The following C1orf185 variants were observed in gnomAD, a reference collection of about 807,000 sequenced individuals.
The protein encoded by C1orf185 is uncharacterized protein C1orf185.
C1orf185 carries 13 observed loss-of-function variants against 16.1 expected under a neutral mutation model. The ratio of observed to expected loss-of-function variants is 0.81; its 90% CI spans 0.53 to 1.28. C1orf185 has a LOEUF of 1.28. Ranked by LOEUF, C1orf185 falls within the 50% of genes most tolerant of loss-of-function variation. The pLI, the probability that C1orf185 is intolerant of heterozygous loss-of-function variation, is 0.00. For missense variants in C1orf185, 220 were observed against 225.2 expected (o/e 0.98, Z 0.15); for synonymous variants, 80 against 76.9 (o/e 1.04, Z -0.21).
At chr1:51,120,098 G>C (rs776852011) in intron 3 of C1orf185, among the ~76,000 whole-genome samples, 1 of 152,114 alleles carries the variant, frequency 6.6e-6, no homozygotes, top group African/African-American at 2.4e-5. Flanking sequence ...ATGTTCAAAG[G>C]CTTGTGGCTA....
intron 2 of C1orf185, among the ~76,000 whole-genome samples, chr1:51,113,267 C>T (rs551473756): frequency 8.4e-4 from 127 of 152,006 alleles, no homozygotes; most frequent in African/African-American, 2.9e-3. Context: ...TGACAGAATG[C>T]CCTGGTATGG....
At chr1:51,138,634 C>T (rs1021010629) in intron 3 of C1orf185, among the ~76,000 whole-genome samples, 8 of 152,032 alleles carry the variant, frequency 5.3e-5, no homozygotes, top group African/African-American at 1.9e-4. Flanking sequence ...CTTCATGATC[C>T]ACCTGCCTTC....
chr1:51,105,043 C>T (rs1455496591), intron 1 of C1orf185, among the ~76,000 whole-genome samples: 3 of 151,894 alleles, frequency 2.0e-5, no homozygotes, highest in Admixed American at 6.6e-5. Context: ...CTGCAACCTC[C>T]GCCTCTTGGG....
chr1:51,133,240 C>A (rs1018044756), intron 3 of C1orf185, among the ~76,000 whole-genome samples: 2 of 152,118 alleles, frequency 1.3e-5, no homozygotes, highest in Non-Finnish European at 2.9e-5. Context: ...GGGCTAAATG[C>A]CTTAATTAGA....
At chr1:51,121,288 GC>G (rs1364976505) in intron 3 of C1orf185, among the ~76,000 whole-genome samples, 1 of 151,854 alleles carries the variant, frequency 6.6e-6, no homozygotes, top group Non-Finnish European at 1.5e-5. Flanking sequence ...CTGGTATCCT[GC>G]CATCCCAGCC....
chr1:51,137,988 G>A (rs569082276), intron 3 of C1orf185, among the ~76,000 whole-genome samples: 3 of 152,274 alleles, frequency 2.0e-5, no homozygotes, highest in African/African-American at 4.8e-5. Flanking sequence ...ATTTATATGG[G>A]AGAGCCAAAT....
At chr1:51,121,242 C>T (rs1646195543) in intron 3 of C1orf185, among the ~76,000 whole-genome samples, 1 of 152,030 alleles carries the variant, frequency 6.6e-6, no homozygotes, top group Admixed American at 6.6e-5. Flanking sequence ...TATCCTTTGA[C>T]CAACATCTCC....
At chr1:51,143,861 T>C (rs1338535645) in intron 3 of C1orf185, among the ~76,000 whole-genome samples, 1 of 152,156 alleles carries the variant, frequency 6.6e-6, no homozygotes, top group Non-Finnish European at 1.5e-5. Context: ...TGGGGTTTTA[T>C]TATGTTGCCC....
intron 3 of C1orf185, among the ~76,000 whole-genome samples, chr1:51,139,774 A>G (rs1000010766): frequency 6.6e-6 from 1 of 152,214 alleles, no homozygotes; most frequent in Non-Finnish European, 1.5e-5. Flanking sequence ...GTAACACTTC[A>G]GTAACACACA....
chr1:51,144,085 A>G (rs1646383778), intron 3 of C1orf185, among the ~76,000 whole-genome samples: 1 of 152,248 alleles, frequency 6.6e-6, no homozygotes, highest in South Asian at 2.1e-4. Flanking sequence ...GTAGCAGTAT[A>G]TAAGAATGCC....
chr1:51,147,647 C>T lies in C1orf185; in HGVS notation c.476C>T (p.Ser159Phe), dbSNP rs922840570. The T allele has an allele frequency of 1.9e-6, 3 of 1,551,378 alleles. No homozygotes were observed. The highest frequency in any genetic ancestry group is 2.6e-6 in the Non-Finnish European group (3 of 1,146,918). ...EAADDWFSDD[S>F]LVKRNSPMPS... Reference sequence around the variant, plus strand: ...GCTGATGACTGGTTTTCTGATGATTCTCTAGTGAAAAGGAACTCTCCAATG... The same window carrying T: ...GCTGATGACTGGTTTTCTGATGATTTTCTAGTGAAAAGGAACTCTCCAATG... Residue 159 changes from serine to phenylalanine, a missense_variant, in exon 5 of 5, where the codon TCT becomes TTT. Coordinates refer to ENST00000371759, the MANE Select transcript of C1orf185 (RefSeq NM_001136508.2).
intron 1 of C1orf185, among the ~76,000 whole-genome samples, chr1:51,106,082 A>T (rs986870895): frequency 6.6e-6 from 1 of 152,178 alleles, no homozygotes; most frequent in Non-Finnish European, 1.5e-5. Context: ...AGGAGAGGAA[A>T]GGTAGGAGGG....
At chr1:51,114,130 T>A (rs543199437) in intron 2 of C1orf185, among the ~76,000 whole-genome samples, 11 of 152,312 alleles carry the variant, frequency 7.2e-5, no homozygotes, top group African/African-American at 2.2e-4. Context: ...CCCTAAGGAA[T>A]GGTCTTGACA....
intron 1 of C1orf185, among the ~76,000 whole-genome samples, chr1:51,104,961 T>G (rs1646058137): frequency 6.6e-6 from 1 of 151,994 alleles, no homozygotes; most frequent in Non-Finnish European, 1.5e-5. Context: ...ACTTTTCTTT[T>G]TCTTCTCCAT....
chr1:51,126,654 G>T (rs1024736474), intron 3 of C1orf185, among the ~76,000 whole-genome samples: 2 of 152,162 alleles, frequency 1.3e-5, no homozygotes, highest in Non-Finnish European at 2.9e-5. Context: ...GAACAGTCAT[G>T]AAGATAATAT....
intron 3 of C1orf185, among the ~76,000 whole-genome samples, chr1:51,120,500 T>C (rs1327275585): frequency 6.6e-6 from 1 of 152,214 alleles, no homozygotes; most frequent in African/African-American, 2.4e-5. Flanking sequence ...GTGAGCACCG[T>C]ACAATTCTAC....
rs1226563780 is a variant in C1orf185 at position 51,112,464 on chromosome 1, G to GT, written c.24dup (p.Asn9Ter). 20 of 1,537,820 alleles carry GT rather than the reference G, an allele frequency of 1.3e-5. No individual in the cohort carries two copies. In the Admixed American group the frequency reaches 1.5e-4, roughly 11 times the overall value. On this transcript the variant is annotated frameshift_variant and splice_region_variant, in exon 2 of 5. Transcript: ENST00000371759. LOFTEE classifies it high-confidence loss of function. ...AATCTTTTGTAATTTGTTTGTATAGGTTTTTTTAATTACTTGACCTATTTT... is the reference window on the plus strand; with the variant it reads ...AATCTTTTGTAATTTGTTTGTATAGGTTTTTTTTAATTACTTGACCTATTTT...
At chr1:51,124,668 T>C (rs1022175045) in intron 3 of C1orf185, among the ~76,000 whole-genome samples, 1 of 152,202 alleles carries the variant, frequency 6.6e-6, no homozygotes. Context: ...AATGGATTAC[T>C]TAGAACTTTC....
At chr1:51,109,575 G>T (rs968969805) in intron 1 of C1orf185, among the ~76,000 whole-genome samples, 25 of 151,188 alleles carry the variant, frequency 1.7e-4, no homozygotes, top group African/African-American at 5.6e-4. Context: ...AATCCATTTT[G>T]AGTTGATTTT....
Sources: allele counts gnomAD v4.1 joint callset (sites outside exome capture counted in the v4.1 genomes callset), GRCh38; gene constraint gnomAD v4.1.1; transcripts MANE v1.5; gene names NCBI Gene and HGNC (gene_info 2026-07-23, HGNC 2026-07-21).